BCOR: variants seen among roughly 807,000 people sequenced by gnomAD.
BCOR encodes BCL6 corepressor.
BCOR carries 10 observed loss-of-function variants against 86.7 expected under a neutral mutation model. That is an observed-to-expected ratio of 0.12 (90% CI 0.07 to 0.20). The LOEUF (loss-of-function observed/expected upper bound fraction) is 0.20, where lower values mean the gene tolerates loss of function less well. Among genes scored for constraint, BCOR ranks in the 10% least tolerant of loss-of-function variants. BCOR has a pLI of 1.00. For missense variants in BCOR, 1,259 were observed against 1,452.1 expected (o/e 0.87, Z 2.16); for synonymous variants, 611 against 609.0 (o/e 1.00, Z -0.05).
Position 40,064,410 on chromosome X carries a change from C to G in BCOR, c.3428G>C (p.Ser1143Thr), listed in dbSNP as rs752565466. Reference sequence around the variant, plus strand: ...CTCCTCCGCAGTGGTCTCAGTGTGGCTGCTGTCACCTGAGACTTTGCGTTT... The same window carrying G: ...CTCCTCCGCAGTGGTCTCAGTGTGGGTGCTGTCACCTGAGACTTTGCGTTT... ...DRKRKVSGDSSHTETTAEEVP... is the reference protein window; with the variant it reads ...DRKRKVSGDSTHTETTAEEVP... The change falls in exon 7 of 15, where the codon AGC becomes ACC. Residue 1143 changes from serine to threonine, a missense_variant. By Grantham distance (58) the Ser-to-Thr change is moderately conservative. This residue lies in a region of BCOR where 305 missense variants were observed against 286.1 expected (regional missense o/e 1.07). Coordinates refer to ENST00000378444, the MANE Select transcript of BCOR (RefSeq NM_001123385.2). 2 of 1,212,162 alleles carry G rather than the reference C, an allele frequency of 1.6e-6. No homozygotes were observed. Among genetic ancestry groups the G allele is most frequent in the South Asian group, 3.5e-5 (2 of 57,033 alleles).
chrX:40,156,288 G>A (rs1938291414), intron 1 of BCOR, among the ~76,000 whole-genome samples: 1 of 112,628 alleles, frequency 8.9e-6, no homozygotes, highest in African/African-American at 3.2e-5. Flanking sequence ...AAGCCGAGGC[G>A]GGGTCGGACT....
intron 1 of BCOR, among the ~76,000 whole-genome samples, chrX:40,162,032 G>T (rs965447317): frequency 9.0e-6 from 1 of 111,465 alleles, no homozygotes; most frequent in Non-Finnish European, 1.9e-5. Flanking sequence ...AATAACTTAC[G>T]AACCAGTGCC....
At chrX:40,096,846 C>T (rs1276653902) in intron 1 of BCOR, among the ~76,000 whole-genome samples, 15 of 110,412 alleles carry the variant, frequency 1.4e-4, no homozygotes, top group African/African-American at 4.0e-4. Context: ...CACCTCCCCC[C>T]CCTCCGCCCG....
upstream of BCOR, among the ~76,000 whole-genome samples, chrX:40,100,687 G>A (rs1355213007): frequency 6.5e-5 from 6 of 92,407 alleles, no homozygotes; most frequent in African/African-American, 4.2e-5. Flanking sequence ...CAACAAGAGC[G>A]AAACTCCGTC....
intron 1 of BCOR, among the ~76,000 whole-genome samples, chrX:40,096,787 C>T (rs1936898607): frequency 8.9e-6 from 1 of 112,536 alleles, no homozygotes; most frequent in African/African-American, 3.2e-5. Flanking sequence ...GCTGCCCTCC[C>T]CTTCCTGCTC....
intron 1 of BCOR, among the ~76,000 whole-genome samples, chrX:40,109,562 G>T (rs1308133117): frequency 4.5e-5 from 5 of 111,458 alleles, no homozygotes. Context: ...GGACGGACTC[G>T]GCGCCGGCCC....
chrX:40,155,937 C>T (rs1460317639), intron 1 of BCOR, among the ~76,000 whole-genome samples: 1 of 112,480 alleles, frequency 8.9e-6, no homozygotes, highest in Non-Finnish European at 1.9e-5. Flanking sequence ...GAGGCCTGCA[C>T]CCAGGCGCTC....
At chrX:40,066,287 C>G (rs1194805271) in intron 6 of BCOR, among the ~76,000 whole-genome samples, 1 of 111,734 alleles carries the variant, frequency 8.9e-6, no homozygotes, top group Non-Finnish European at 1.9e-5. Context: ...ACACAAGCTG[C>G]CCAAAACTTA....
At chrX:40,149,581 GC>G in intron 1 of BCOR, among the ~76,000 whole-genome samples, 1 of 111,758 alleles carries the variant, frequency 8.9e-6, no homozygotes, top group Non-Finnish European at 1.9e-5. Context: ...GGCTCTACTA[GC>G]TTTGAGATGG....
chrX:40,124,735 T>TG (rs1368975730), intron 1 of BCOR, among the ~76,000 whole-genome samples: 2 of 110,103 alleles, frequency 1.8e-5, no homozygotes, highest in Admixed American at 2.0e-4. Flanking sequence ...CCCGAGTCGC[T>TG]GGGACTACAG....
At chrX:40,149,128 G>A (rs1031713093) in intron 1 of BCOR, among the ~76,000 whole-genome samples, 1 of 108,337 alleles carries the variant, frequency 9.2e-6, no homozygotes, top group Non-Finnish European at 1.9e-5. Context: ...TCAGTAGTGC[G>A]GATTTCAGAG....
intron 1 of BCOR, among the ~76,000 whole-genome samples, chrX:40,132,859 A>G (rs1937616247): frequency 8.9e-6 from 1 of 112,400 alleles, no homozygotes; most frequent in South Asian, 3.6e-4. Context: ...TGTGCGTCAG[A>G]GTCAGCAGTG....
chrX:40,139,452 T>C (rs1432116385), intron 1 of BCOR, among the ~76,000 whole-genome samples: 7 of 4,262 alleles, frequency 1.6e-3, no homozygotes, highest in Non-Finnish European at 1.8e-3. Flanking sequence ...ATATAATATA[T>C]ATACATATAT....
In BCOR at chrX:40,054,323, A is replaced by C; in HGVS notation, c.4752T>G (p.Asn1584Lys). The C allele has an allele frequency of 8.3e-7, 1 of 1,200,818 alleles. No homozygotes were observed. The highest frequency in any genetic ancestry group is 1.8e-5 in the South Asian group (1 of 56,127). The part of the protein sequence containing the change: ...LMEKFLTDYL[N>K]DLQGRNDDDA... ...CATCATCATTGCGACCCTGGAGGTC[A>C]TTTAAATAATCTGGAGGGAGAGAAA... Residue 1584 changes from asparagine to lysine, a missense_variant, in exon 13 of 15, where the codon AAT becomes AAG. Physicochemically the swap from Asn to Lys is moderately conservative, Grantham distance 94. Transcript: ENST00000378444.
chrX:40,163,035 TAGTA>T (rs749260614), intron 1 of BCOR, among the ~76,000 whole-genome samples: 26 of 111,802 alleles, frequency 2.3e-4, no homozygotes, highest in African/African-American at 7.8e-4. Context: ...AGGGCACAAA[TAGTA>T]AGTATTAATT....
chrX:40,052,903 C>G (rs1222606803), intron 14 of BCOR, among the ~76,000 whole-genome samples: 1 of 111,717 alleles, frequency 9.0e-6, no homozygotes, highest in Non-Finnish European at 1.9e-5. Context: ...GTAACTACTT[C>G]TAGCAGTAGG....
intron 1 of BCOR, among the ~76,000 whole-genome samples, chrX:40,151,606 A>T (rs1478833340): frequency 8.9e-6 from 1 of 112,614 alleles, no homozygotes; most frequent in African/African-American, 3.2e-5. Flanking sequence ...CAGCGGGGGG[A>T]CGGGTCCCCA....
chrX:40,147,589 T>G (rs905422203), intron 1 of BCOR, among the ~76,000 whole-genome samples: 1 of 113,066 alleles, frequency 8.8e-6, no homozygotes, highest in African/African-American at 3.2e-5. Context: ...GACCGCCACA[T>G]GTGCGCAAAG....
At chrX:40,169,489 C>T (rs1361178139) in intron 1 of BCOR, among the ~76,000 whole-genome samples, 3 of 111,645 alleles carry the variant, frequency 2.7e-5, no homozygotes, top group African/African-American at 9.8e-5. Context: ...TATGTAAAAA[C>T]AGTCTTGGTA....
Sources: gnomAD v4.1 joint callset for allele counts (sites outside exome capture counted in the v4.1 genomes callset) on GRCh38, gnomAD v4.1.1 for gene constraint, gnomAD v4.1.1 regional missense constraint, MANE v1.5 for transcripts, NCBI Gene and HGNC (gene_info 2026-07-23, HGNC 2026-07-21) for gene names.